Variants in SLC4A7 observed in about 807,000 individuals in gnomAD.
SLC4A7 encodes the protein sodium bicarbonate cotransporter 3.
A neutral mutation model predicts 137.6 loss-of-function variants in SLC4A7; 51 were observed. That is an observed-to-expected ratio of 0.37 (90% CI 0.30 to 0.47). The LOEUF (loss-of-function observed/expected upper bound fraction) is 0.47. SLC4A7 is among the 20% of genes least tolerant of loss of function. SLC4A7 has a pLI of 1.00. For missense variants in SLC4A7, 1,247 were observed against 1,525.4 expected, an observed-to-expected ratio of 0.82 and a Z score of 3.04; for synonymous variants, 542 against 518.6, an observed-to-expected ratio of 1.05 and a Z score of -0.61.
intron 8 of SLC4A7, among the ~76,000 whole-genome samples, chr3:27,423,150 C>T (rs577178826): frequency 6.6e-6 from 1 of 152,304 alleles, no homozygotes; most frequent in East Asian, 1.9e-4. Flanking sequence ...GACTACAACA[C>T]TCAACAAAGC....
intron 10 of SLC4A7, among the ~76,000 whole-genome samples, chr3:27,419,258 C>T (rs1287739302): frequency 6.6e-6 from 1 of 151,822 alleles, no homozygotes; most frequent in Non-Finnish European, 1.5e-5. Context: ...AACAAAGGAG[C>T]CAGGAAAATT....
intron 1 of SLC4A7, among the ~76,000 whole-genome samples, chr3:27,483,465 A>T (rs1221254495): frequency 1.3e-5 from 2 of 152,218 alleles, no homozygotes; most frequent in Non-Finnish European, 2.9e-5. Context: ...GGCAACAGCG[A>T]AAGAGCCTTG....
chr3:27,448,901 G>A (rs898111144), intron 2 of SLC4A7, 104 bp from the exon 3 acceptor site: 33 of 716,914 alleles, frequency 4.6e-5, no homozygotes, highest in African/African-American at 2.7e-4. Context: ...ATAAGTTCAC[G>A]TAATTAACAA....
At chr3:27,390,808 GT>G (rs893251690) in intron 21 of SLC4A7, among the ~76,000 whole-genome samples, 3 of 151,562 alleles carry the variant, frequency 2.0e-5, no homozygotes, top group Non-Finnish European at 4.4e-5. Flanking sequence ...CTTTATGATC[GT>G]TTTTTTTGTG....
At chr3:27,480,069 G>A (rs796352487) in intron 1 of SLC4A7, among the ~76,000 whole-genome samples, 40 of 152,256 alleles carry the variant, frequency 2.6e-4, no homozygotes, top group African/African-American at 9.1e-4. Flanking sequence ...TAATACACCA[G>A]GTTCCTCCAA....
Position 27,373,652 on chromosome 3 carries a change from T to C in SLC4A7, c.*3112A>G, listed in dbSNP as rs2049712208. ...CTTTAAACAGCAAGCTCTGGTGTTATACCTCAGTTTCAGAAAGCATTTTTC... is the reference window on the plus strand; with the variant it reads ...CTTTAAACAGCAAGCTCTGGTGTTACACCTCAGTTTCAGAAAGCATTTTTC... On this transcript the variant is annotated 3_prime_UTR_variant, in exon 26 of 26. Coordinates refer to ENST00000454389, the MANE Select transcript of SLC4A7 (RefSeq NM_001321103.2). 6.6e-6 allele frequency: 1 copy of C among 152,186 alleles called. No homozygotes were observed. Among genetic ancestry groups the C allele is most frequent in the Non-Finnish European group, 1.5e-5 (1 of 67,982 alleles). The allele number at this position is 152,186 out of a possible 1,614,324, so 9.4% of individuals were successfully genotyped here. A position where few individuals can be genotyped will look rare whatever the true frequency, so the allele number is the denominator to read the frequency against.
chr3:27,377,394 A>G (rs569153908), intron 25 of SLC4A7, among the ~76,000 whole-genome samples: 2 of 152,232 alleles, frequency 1.3e-5, no homozygotes, highest in Admixed American at 6.5e-5. Context: ...TTTGAAATAT[A>G]TATATGTTTT....
At chr3:27,422,845 CCA>C (rs760281858) in intron 8 of SLC4A7, 31 of 455,208 alleles carry the variant, frequency 6.8e-5, no homozygotes, top group Non-Finnish European at 1.4e-4. Flanking sequence ...AGACTCCTGC[CCA>C]ACAGGAGACA....
At chr3:27,446,558 G>T (rs2150500346) in intron 3 of SLC4A7, among the ~76,000 whole-genome samples, 1 of 152,092 alleles carries the variant, frequency 6.6e-6, no homozygotes. Context: ...AATATACTAA[G>T]AGTTAAGTAA....
At chr3:27,408,121 T>G (rs1345297747) in intron 13 of SLC4A7, among the ~76,000 whole-genome samples, 2 of 152,234 alleles carry the variant, frequency 1.3e-5, no homozygotes, top group Admixed American at 1.3e-4. Context: ...TCTTTTTCAC[T>G]TAATCACTTT....
chr3:27,421,247 C>T (rs1198220208), intron 9 of SLC4A7, among the ~76,000 whole-genome samples: 2 of 152,034 alleles, frequency 1.3e-5, no homozygotes, highest in Non-Finnish European at 2.9e-5. Context: ...CGTCTGTAAT[C>T]CCAATACTTT....
intron 14 of SLC4A7, 119 bp from the exon 15 acceptor site, chr3:27,403,503 T>A: frequency 1.7e-6 from 1 of 592,852 alleles, no homozygotes; most frequent in Non-Finnish European, 2.9e-6. Flanking sequence ...AGAGAATGAA[T>A]TACAGAATGA....
At chr3:27,446,885 G>GTT (rs796773901) in intron 3 of SLC4A7, among the ~76,000 whole-genome samples, 13 of 35,772 alleles carry the variant, frequency 3.6e-4, no homozygotes, top group Non-Finnish European at 6.5e-4. Context: ...GTTTTTTTTT[G>GTT]TTTTTTTTGT....
At chr3:27,382,473 A>G (rs2050521595) in intron 24 of SLC4A7, among the ~76,000 whole-genome samples, 1 of 152,228 alleles carries the variant, frequency 6.6e-6, no homozygotes, top group South Asian at 2.1e-4. Flanking sequence ...AATAGAAATC[A>G]GGTGTGTACA....
In SLC4A7 at chr3:27,423,947, A is replaced by G. The variant is rs1440496648; in HGVS notation, c.1266+90T>C. The stretch of plus-strand genomic sequence containing the variant: ...AGCACCAGTCTACTAAAAAATTACT[A>G]TCATCAATGTTAATAATATTAGCCA... On this transcript the variant is annotated intron_variant, in intron 8 of 25. Transcript: ENST00000454389. The G allele has an allele frequency of 5.4e-6, 4 of 745,596 alleles. No individual in the cohort carries two copies. The Admixed American group carries it at 9.6e-5, about 18-fold the overall frequency. 46.2% of individuals were successfully genotyped at this position (745,596 alleles called of 1,614,324 possible). A position where few individuals can be genotyped will look rare whatever the true frequency, so the allele number is the denominator to read the frequency against.
intron 20 of SLC4A7, among the ~76,000 whole-genome samples, chr3:27,393,824 A>T (rs2051846480): frequency 6.6e-6 from 1 of 152,198 alleles, no homozygotes; most frequent in Non-Finnish European, 1.5e-5. Flanking sequence ...ATTAAAAATA[A>T]AAGCCAACAA....
At chr3:27,443,382 T>A (rs2057368857) in intron 3 of SLC4A7, among the ~76,000 whole-genome samples, 1 of 152,172 alleles carries the variant, frequency 6.6e-6, no homozygotes, top group Non-Finnish European at 1.5e-5. Context: ...TTTCTAATAC[T>A]GGTGATTTGT....
At chr3:27,443,686 A>G (rs2057389481) in intron 3 of SLC4A7, among the ~76,000 whole-genome samples, 1 of 152,274 alleles carries the variant, frequency 6.6e-6, no homozygotes, top group East Asian at 1.9e-4. Flanking sequence ...GTTGCATCTA[A>G]CAAATTTGAA....
chr3:27,429,103 T>C (rs2055974073), intron 7 of SLC4A7, among the ~76,000 whole-genome samples: 1 of 151,852 alleles, frequency 6.6e-6, no homozygotes, highest in African/African-American at 2.4e-5. Context: ...CCGTTGCTAC[T>C]AAAAATACAA....
Sources: gnomAD v4.1 joint callset for allele counts (sites outside exome capture counted in the v4.1 genomes callset) on GRCh38, gnomAD v4.1.1 for gene constraint, MANE v1.5 for transcripts, NCBI Gene and HGNC (gene_info 2026-07-23, HGNC 2026-07-21) for gene names.